SBNO1: variants seen among roughly 807,000 people sequenced by gnomAD.
The protein encoded by SBNO1 is protein strawberry notch homolog 1.
SBNO1 carries 23 observed loss-of-function variants against 173.6 expected under a neutral mutation model. That is an observed-to-expected ratio of 0.13 (90% CI 0.10 to 0.19). The LOEUF (loss-of-function observed/expected upper bound fraction) is 0.19. Ranked by LOEUF, SBNO1 falls within the 10% of genes least tolerant of loss-of-function variation. The pLI is 1.00. For synonymous variants in SBNO1, 632 were observed against 571.5 expected, an observed-to-expected ratio of 1.11 and a Z score of -1.51; for missense variants, 1,238 against 1,671.2, an observed-to-expected ratio of 0.74 and a Z score of 4.52.
intron 7 of SBNO1, 106 bp from the exon 8 acceptor site, chr12:123,331,481 T>A: frequency 9.8e-7 from 1 of 1,016,780 alleles, no homozygotes; most frequent in Non-Finnish European, 1.4e-6. Flanking sequence ...TTTTGTTTTG[T>A]ATATGTATTT....
intron 30 of SBNO1, among the ~76,000 whole-genome samples, chr12:123,302,010 G>A (rs1290189522): frequency 6.6e-6 from 1 of 151,626 alleles, no homozygotes; most frequent in Non-Finnish European, 1.5e-5. Flanking sequence ...GTGCAATCTC[G>A]GCTCACCACA....
Position 123,289,979 on chromosome 12 carries a change from A to C in SBNO1, c.*5929T>G, listed in dbSNP as rs1022084598. 1 of 152,422 alleles carries C rather than the reference A, an allele frequency of 6.6e-6. No individual in the cohort carries two copies. Among genetic ancestry groups the C allele is most frequent in the Non-Finnish European group, 1.5e-5 (1 of 68,066 alleles). The allele number at this position is 152,422 out of a possible 1,614,324, so 9.4% of individuals were successfully genotyped here. A position where few individuals can be genotyped will look rare whatever the true frequency, so the allele number is the denominator to read the frequency against. ...GGGGCCCGCAGTGGAAAAGCCAGAC[A>C]GGTTCTCACCAGGGGCCTGCAGAGT... On this transcript the variant is annotated 3_prime_UTR_variant, in exon 32 of 32. Coordinates refer to ENST00000602398, the MANE Select transcript of SBNO1 (RefSeq NM_001167856.3).
rs181941893 is a variant in SBNO1 at position 123,309,419 on chromosome 12, G to A, written c.3538-17C>T. On this transcript the variant is annotated splice_polypyrimidine_tract_variant and intron_variant, in intron 27 of 31. Coordinates refer to ENST00000602398, the MANE Select transcript of SBNO1 (RefSeq NM_001167856.3). The stretch of plus-strand genomic sequence containing the variant: ...TACACTAATCTGTAAGAGAAACAAC[G>A]AAATTTAAACTCATTTCTGTAAATG... 5.5e-5 allele frequency: 88 copies of A among 1,609,464 alleles called. No individual in the cohort carries two copies. In the East Asian group the frequency reaches 1.4e-3, roughly 25 times the overall value.
At chr12:123,316,694 T>TTTC (rs202183216) in intron 21 of SBNO1, among the ~76,000 whole-genome samples, 1 of 133,766 alleles carries the variant, frequency 7.5e-6, no homozygotes, top group Non-Finnish European at 1.6e-5. Context: ...AAGTTTTTCT[T>TTTC]TTCTTCTTCT....
In SBNO1 at chr12:123,302,503, C is replaced by CAA. The variant is rs202127947; in HGVS notation, c.3845+319_3845+320dup. Reference sequence around the variant, plus strand: ...AGGTGATCCGCCCACCTCAGCCTCCCAAAGTGCTGGGATTACAGGCGTGAG... The same window carrying CAA: ...AGGTGATCCGCCCACCTCAGCCTCCCAAAAAGTGCTGGGATTACAGGCGTGAG... On this transcript the variant is annotated intron_variant, in intron 30 of 31. Coordinates refer to ENST00000602398, the MANE Select transcript of SBNO1 (RefSeq NM_001167856.3). 8.0e-3 allele frequency among the ~76,000 whole-genome samples: 1,216 copies of CAA among 152,020 alleles called. 21 individuals are homozygous for CAA. Among genetic ancestry groups the CAA allele is most frequent in the African/African-American group, 0.027 (1,123 of 41,452 alleles).
chr12:123,325,844 A>G lies in SBNO1; in HGVS notation c.1876-245T>C, dbSNP rs563352944. On this transcript the variant is annotated intron_variant, in intron 14 of 31. Coordinates refer to ENST00000602398, the MANE Select transcript of SBNO1 (RefSeq NM_001167856.3). ...TGAAGCCCCTGCCCTTGTACAGTTT[A>G]TAGTATCTTATGCTTTAAGTAGATA... Among the ~76,000 whole-genome samples the G allele has an allele frequency of 1.2e-4, 18 of 152,324 alleles. No homozygotes were observed. The South Asian group carries it at 2.5e-3, about 21-fold the overall frequency.
chr12:123,332,860 C>T, intron 7 of SBNO1, among the ~76,000 whole-genome samples: 1 of 151,028 alleles, frequency 6.6e-6, no homozygotes, highest in Non-Finnish European at 1.5e-5. Context: ...CACGGTGGCT[C>T]ACACCTGTAA....
intron 31 of SBNO1, 100 bp downstream of exon 31, chr12:123,297,878 T>C (rs938393898): frequency 1.6e-5 from 17 of 1,042,730 alleles, no homozygotes; most frequent in South Asian, 1.6e-4. Flanking sequence ...CTGGAAGAGA[T>C]GTTAGATGCA....
At chr12:123,364,018 C>G (rs934760725) in intron 1 of SBNO1, 19 of 985,380 alleles carry the variant, frequency 1.9e-5, no homozygotes, top group Admixed American at 6.1e-5. Flanking sequence ...GTAAGCAAAT[C>G]CCCAACTGCC....
chr12:123,346,907 G>C (rs898684050), intron 3 of SBNO1, among the ~76,000 whole-genome samples: 2 of 151,260 alleles, frequency 1.3e-5, no homozygotes, highest in Non-Finnish European at 2.9e-5. Context: ...GTAAAACCCT[G>C]TCTCTACTAA....
At chr12:123,321,973 C>T (rs1870027970) in intron 16 of SBNO1, among the ~76,000 whole-genome samples, 1 of 152,150 alleles carries the variant, frequency 6.6e-6, no homozygotes, top group Non-Finnish European at 1.5e-5. Context: ...GTCAAGACTG[C>T]CTTCAAGTGC....
Position 123,331,310 on chromosome 12 carries a change from T to C in SBNO1, c.975A>G (p.Val325=). The change falls in exon 8 of 32, where the codon GTA becomes GTG. Residue 325 remains valine, a synonymous_variant. Transcript: ENST00000602398. ...AGFLIGDGAG[V]GKGRTIAGII... Reference sequence around the variant, plus strand: ...TTCCTGCTATCGTCCTTCCTTTTCCTACACCGGCACCATCACCTATTAAGA... The same window carrying C: ...TTCCTGCTATCGTCCTTCCTTTTCCCACACCGGCACCATCACCTATTAAGA... 7 of 1,614,050 alleles carry C rather than the reference T, an allele frequency of 4.3e-6. No homozygotes were observed. The highest frequency in any genetic ancestry group is 5.1e-6 in the Non-Finnish European group (6 of 1,179,896).
chr12:123,302,977 T>C, intron 29 of SBNO1, 77 bp from the exon 30 acceptor site: 2 of 1,055,428 alleles, frequency 1.9e-6, no homozygotes, highest in South Asian at 2.6e-5. Flanking sequence ...TCTGTAATTC[T>C]AGAGGTAGCC....
At chr12:123,342,579 G>T (rs1291871022) in intron 4 of SBNO1, among the ~76,000 whole-genome samples, 1 of 152,144 alleles carries the variant, frequency 6.6e-6, no homozygotes, top group Non-Finnish European at 1.5e-5. Context: ...AATCAATTTG[G>T]GAACTCCTTA....
intron 6 of SBNO1, among the ~76,000 whole-genome samples, chr12:123,335,412 C>A (rs1041404163): frequency 1.3e-5 from 2 of 152,228 alleles, no homozygotes; most frequent in Non-Finnish European, 2.9e-5. Flanking sequence ...GAGCATGCCA[C>A]TGCACTCCAG....
chr12:123,315,226 A>C, intron 23 of SBNO1, 147 bp downstream of exon 23: 1 of 625,196 alleles, frequency 1.6e-6, no homozygotes, highest in Non-Finnish European at 2.8e-6. Context: ...ATACATGTGA[A>C]ATTCTGTCTT....
At chr12:123,300,527 G>A (rs541086969) in intron 30 of SBNO1, among the ~76,000 whole-genome samples, 3 of 152,194 alleles carry the variant, frequency 2.0e-5, no homozygotes, top group East Asian at 1.9e-4. Context: ...CGTGGTTGGC[G>A]GGTGCCTGTA....
chr12:123,301,947 T>G (rs2048803591), intron 30 of SBNO1, among the ~76,000 whole-genome samples: 1 of 151,494 alleles, frequency 6.6e-6, no homozygotes, highest in South Asian at 2.1e-4. Flanking sequence ...AGTGGTTTGT[T>G]TTTTTTTTTA....
intron 5 of SBNO1, among the ~76,000 whole-genome samples, chr12:123,338,895 CACACACACACACACACG>C (rs1872192618): frequency 2.2e-4 from 2 of 9,132 alleles, no homozygotes; most frequent in African/African-American, 4.5e-4. Flanking sequence ...CACACCCCGA[CACACACACACACACACG>C]CCCCCCCCCC....
Sources: allele counts gnomAD v4.1 joint callset (sites outside exome capture counted in the v4.1 genomes callset), GRCh38; gene constraint gnomAD v4.1.1; transcripts MANE v1.5; gene names NCBI Gene and HGNC (gene_info 2026-07-23, HGNC 2026-07-21).